UNC13C: variants seen among roughly 807,000 people sequenced by gnomAD.
UNC13C encodes protein unc-13 homolog C.
Under a neutral mutation model 245.4 loss-of-function variants are expected in UNC13C, and 174 were observed. The ratio of observed to expected loss-of-function variants is 0.71; its 90% CI spans 0.63 to 0.80. The LOEUF is 0.80. Among genes scored for constraint, UNC13C ranks in the 30% least tolerant of loss-of-function variants. The probability of loss-of-function intolerance (pLI) is 0.00; values close to 1 mark genes in which losing one functional copy is unlikely to be tolerated. For missense variants in UNC13C, 2,829 were observed against 2,602.9 expected (o/e 1.09, Z -1.89); for synonymous variants, 992 against 895.1 (o/e 1.11, Z -1.93).
At chr15:54,090,388 G>A (rs1899500253) in intron 2 of UNC13C, among the ~76,000 whole-genome samples, 1 of 151,984 alleles carries the variant, frequency 6.6e-6, no homozygotes, top group East Asian at 1.9e-4. Flanking sequence ...TAAAATAAGA[G>A]CAAATGCTTT....
chr15:54,144,345 A>G (rs535685359), intron 4 of UNC13C, among the ~76,000 whole-genome samples: 120 of 149,634 alleles, frequency 8.0e-4, no homozygotes, highest in African/African-American at 2.7e-3. Flanking sequence ...TTTTTTTTGC[A>G]TTTTAACATA....
At chr15:54,232,613 A>C (rs2035583700) in intron 4 of UNC13C, among the ~76,000 whole-genome samples, 1 of 152,180 alleles carries the variant, frequency 6.6e-6, no homozygotes, top group South Asian at 2.1e-4. Context: ...AACACTTTGC[A>C]GTTTATAAAT....
chr15:54,272,614 A>G (rs1245015732), intron 10 of UNC13C, among the ~76,000 whole-genome samples: 3 of 152,062 alleles, frequency 2.0e-5, no homozygotes, highest in Non-Finnish European at 2.9e-5. Context: ...GAATTTATTT[A>G]TTTATTTATT....
chr15:54,015,552 A>T lies in UNC13C; in HGVS notation c.2649A>T (p.Glu883Asp). ...DNETDYVEVM[E>D]QVLAKLENRT... The stretch of plus-strand genomic sequence containing the variant: ...AAACAGATTATGTTGAAGTCATGGA[A>T]CAAGTCCTTGCTAAACTAGAAAACA... The change falls in exon 2 of 33, where the codon GAA (glutamate) becomes GAT (aspartate). Residue 883 changes from glutamate to aspartate, a missense_variant. Glu to Asp is a conservative substitution (Grantham distance 45). Transcript: ENST00000260323. 1 of 1,613,812 alleles carries T rather than the reference A, an allele frequency of 6.2e-7. No individual in the cohort carries two copies. The highest frequency in any genetic ancestry group is 8.5e-7 in the Non-Finnish European group (1 of 1,179,780).
intron 17 of UNC13C, among the ~76,000 whole-genome samples, chr15:54,383,302 A>C (rs73417758): frequency 6.6e-6 from 1 of 152,126 alleles, no homozygotes; most frequent in Non-Finnish European, 1.5e-5. Context: ...ATACTAACAA[A>C]CTGAATGCAA....
chr15:54,440,918 G>A (rs551844466), intron 19 of UNC13C, among the ~76,000 whole-genome samples: 35 of 151,978 alleles, frequency 2.3e-4, no homozygotes, highest in African/African-American at 6.5e-4. Flanking sequence ...TAGTGATGTC[G>A]AGCATTTTTA....
At chr15:54,034,891 G>A (rs928905894) in intron 2 of UNC13C, among the ~76,000 whole-genome samples, 15 of 152,234 alleles carry the variant, frequency 9.9e-5, no homozygotes, top group Admixed American at 2.0e-4. Flanking sequence ...GAGAACCGAC[G>A]TAGAAATAAC....
At chr15:54,302,585 A>G (rs1293116763) in intron 13 of UNC13C, among the ~76,000 whole-genome samples, 1 of 152,160 alleles carries the variant, frequency 6.6e-6, no homozygotes, top group Admixed American at 6.5e-5. Context: ...AGGTTTGTCA[A>G]AGATCAGATA....
chr15:54,107,233 C>A (rs75759286), intron 2 of UNC13C, among the ~76,000 whole-genome samples: 83 of 152,062 alleles, frequency 5.5e-4, no homozygotes, highest in African/African-American at 1.9e-3. Context: ...ATTTTTAATA[C>A]ACCAATAATT....
At chr15:54,416,850 G>A (rs897839153) in intron 19 of UNC13C, 3 of 454,826 alleles carry the variant, frequency 6.6e-6, no homozygotes, top group South Asian at 3.1e-5. Context: ...AAGCACTTAC[G>A]GGTTATCATT....
At chr15:54,456,548 A>T (rs1447954018) in intron 19 of UNC13C, among the ~76,000 whole-genome samples, 2 of 151,666 alleles carry the variant, frequency 1.3e-5, no homozygotes, top group African/African-American at 4.8e-5. Context: ...AGTTTTCCTT[A>T]TAGAGATCTT....
chr15:54,027,776 G>C (rs1249378123), intron 2 of UNC13C, among the ~76,000 whole-genome samples: 2 of 149,442 alleles, frequency 1.3e-5, no homozygotes, highest in Non-Finnish European at 3.0e-5. Context: ...GTGAAAATTT[G>C]CACATTTCCT....
the UNC13C span, among the ~76,000 whole-genome samples, chr15:53,853,044 A>G: frequency 1.3e-5 from 2 of 151,714 alleles, no homozygotes; most frequent in Non-Finnish European, 2.9e-5. Context: ...GTACAATGGT[A>G]CATGTGTAGG....
chr15:54,303,975 G>C (rs2037657334), intron 13 of UNC13C, among the ~76,000 whole-genome samples: 1 of 151,970 alleles, frequency 6.6e-6, no homozygotes, highest in South Asian at 2.1e-4. Flanking sequence ...GGTATATTGG[G>C]TCTCATTGTA....
intron 2 of UNC13C, among the ~76,000 whole-genome samples, chr15:54,097,374 C>T (rs1899923309): frequency 6.6e-6 from 1 of 152,102 alleles, no homozygotes; most frequent in African/African-American, 2.4e-5. Flanking sequence ...TATGGATCTA[C>T]CTCAATCTCC....
rs2141323471 is a variant in UNC13C at position 54,627,157 on chromosome 15, A to G, written c.*44A>G. On this transcript the variant is annotated 3_prime_UTR_variant, in exon 33 of 33. Transcript: ENST00000260323. The stretch of plus-strand genomic sequence containing the variant: ...AATACATAACTATAATTGTTTGACT[A>G]CTGCATGCATGTGCAAATACATGGG... 1 of 1,540,516 alleles carries G rather than the reference A, an allele frequency of 6.5e-7. No individual in the cohort carries two copies. The highest frequency in any genetic ancestry group is 1.8e-4 in the Middle Eastern group (1 of 5,650).
intron 1 of UNC13C, among the ~76,000 whole-genome samples, chr15:53,990,706 C>T (rs1329035417): frequency 3.3e-5 from 5 of 151,932 alleles, no homozygotes; most frequent in Admixed American, 1.3e-4. Context: ...TGTTCATTTA[C>T]AATCAAATTG....
intron 19 of UNC13C, among the ~76,000 whole-genome samples, chr15:54,441,114 C>G (rs1263743529): frequency 1.3e-5 from 2 of 151,970 alleles, no homozygotes; most frequent in Non-Finnish European, 2.9e-5. Flanking sequence ...CAGATTGTCT[C>G]TTTACTCTGT....
intron 17 of UNC13C, among the ~76,000 whole-genome samples, chr15:54,388,487 C>G (rs2039884329): frequency 6.6e-6 from 1 of 152,142 alleles, no homozygotes; most frequent in East Asian, 1.9e-4. Flanking sequence ...TTTTACTACC[C>G]CACCAGTACA....
Sources: allele counts gnomAD v4.1 joint callset (sites outside exome capture counted in the v4.1 genomes callset), GRCh38; gene constraint gnomAD v4.1.1; transcripts MANE v1.5; gene names NCBI Gene and HGNC (gene_info 2026-07-23, HGNC 2026-07-21).